MACROD2: variants seen among roughly 807,000 people sequenced by gnomAD.
MACROD2 encodes the protein ADP-ribose glycohydrolase MACROD2.
Under a neutral mutation model 70.4 loss-of-function variants are expected in MACROD2, and 36 were observed. That is an observed-to-expected ratio of 0.51 (90% CI 0.39 to 0.68). The LOEUF is 0.68. MACROD2 is among the 30% of genes least tolerant of loss of function. The pLI is 0.00. For synonymous variants in MACROD2, 172 were observed against 178.8 expected, an observed-to-expected ratio of 0.96 and a Z score of 0.30; for missense variants, 496 against 538.4, an observed-to-expected ratio of 0.92 and a Z score of 0.78.
chr20:14,132,455 T>C (rs940897555), intron 3 of MACROD2, among the ~76,000 whole-genome samples: 1 of 152,184 alleles, frequency 6.6e-6, no homozygotes, highest in Non-Finnish European at 1.5e-5. Flanking sequence ...GATCTTTGGA[T>C]TTCCTTAAGA....
At chr20:15,401,867 A>G (rs2045935381) in intron 6 of MACROD2, among the ~76,000 whole-genome samples, 1 of 152,222 alleles carries the variant, frequency 6.6e-6, no homozygotes, top group African/African-American at 2.4e-5. Context: ...AGTGATGGAT[A>G]GTTGAGATGC....
intron 4 of MACROD2, among the ~76,000 whole-genome samples, chr20:14,658,657 A>C (rs1986086777): frequency 6.6e-6 from 1 of 152,218 alleles, no homozygotes; most frequent in African/African-American, 2.4e-5. Context: ...TCTGTCACCC[A>C]GGCTGGAGTG....
chr20:15,040,554 G>A (rs1423297770), intron 5 of MACROD2, among the ~76,000 whole-genome samples: 1 of 118,206 alleles, frequency 8.5e-6, no homozygotes, highest in East Asian at 2.4e-4. Context: ...GGACAAAGGT[G>A]AGGAGTGTCT....
intron 3 of MACROD2, among the ~76,000 whole-genome samples, chr20:14,438,440 G>C (rs1042801925): frequency 1.3e-5 from 2 of 152,174 alleles, no homozygotes; most frequent in African/African-American, 4.8e-5. Flanking sequence ...CAGCAGGATT[G>C]CTGGATCTTA....
At chr20:15,038,246 ATT>A (rs2075329363) in intron 5 of MACROD2, among the ~76,000 whole-genome samples, 1 of 152,214 alleles carries the variant, frequency 6.6e-6, no homozygotes, top group Non-Finnish European at 1.5e-5. Flanking sequence ...TTCAAACTGC[ATT>A]TATATCTCTG....
chr20:15,129,440 CA>C (rs2123271364), intron 5 of MACROD2, among the ~76,000 whole-genome samples: 1 of 152,208 alleles, frequency 6.6e-6, no homozygotes, highest in Non-Finnish European at 1.5e-5. Flanking sequence ...ATTCCTTGCA[CA>C]GATTTACATG....
intron 5 of MACROD2, among the ~76,000 whole-genome samples, chr20:15,102,690 CAT>C (rs1448074090): frequency 3.6e-4 from 54 of 151,856 alleles, no homozygotes; most frequent in African/African-American, 1.1e-3. Context: ...TTCTGAGAAT[CAT>C]AGTCAAATAT....
chr20:16,023,634 T>C (rs549448701), intron 15 of MACROD2, among the ~76,000 whole-genome samples: 22 of 151,838 alleles, frequency 1.4e-4, no homozygotes, highest in Non-Finnish European at 2.5e-4. Context: ...AAGGCACCCA[T>C]TGAAGTATGA....
intron 5 of MACROD2, among the ~76,000 whole-genome samples, chr20:14,896,573 T>G (rs979652506): frequency 2.6e-5 from 4 of 152,022 alleles, no homozygotes; most frequent in Non-Finnish European, 4.4e-5. Flanking sequence ...AACTACTTAT[T>G]CTGATACCCT....
chr20:15,860,409 T>A (rs1040026191), intron 8 of MACROD2, among the ~76,000 whole-genome samples: 1 of 152,142 alleles, frequency 6.6e-6, no homozygotes, highest in Non-Finnish European at 1.5e-5. Flanking sequence ...TTTAGAAATA[T>A]TCTGATCACG....
chr20:14,862,013 ATATATT>A (rs1388041024), intron 5 of MACROD2, among the ~76,000 whole-genome samples: 1 of 25,906 alleles, frequency 3.9e-5, no homozygotes, highest in Non-Finnish European at 6.4e-5. Context: ...ATTTATATAT[ATATATT>A]TATATATATT....
intron 8 of MACROD2, among the ~76,000 whole-genome samples, chr20:15,835,355 G>A (rs1299657879): frequency 6.6e-6 from 1 of 151,676 alleles, no homozygotes; most frequent in African/African-American, 2.4e-5. Flanking sequence ...CCAATATTAT[G>A]GAGTCAAAAA....
At chr20:14,105,711 C>T (rs1418502595) in intron 3 of MACROD2, among the ~76,000 whole-genome samples, 1 of 152,174 alleles carries the variant, frequency 6.6e-6, no homozygotes, top group Non-Finnish European at 1.5e-5. Flanking sequence ...CAACCCCAGA[C>T]AGTGCAGTTT....
At chr20:14,289,868 A>G (rs1370924030) in intron 3 of MACROD2, among the ~76,000 whole-genome samples, 1 of 152,162 alleles carries the variant, frequency 6.6e-6, no homozygotes, top group African/African-American at 2.4e-5. Context: ...TATTTCAATG[A>G]TTACAGGGTT....
At chr20:15,571,579 C>T (rs528022555) in intron 8 of MACROD2, among the ~76,000 whole-genome samples, 1 of 152,038 alleles carries the variant, frequency 6.6e-6, no homozygotes, top group Non-Finnish European at 1.5e-5. Context: ...TTTAGATCCT[C>T]ATACTGGTGA....
At chr20:15,721,171 C>T (rs974225969) in intron 8 of MACROD2, among the ~76,000 whole-genome samples, 2 of 152,188 alleles carry the variant, frequency 1.3e-5, no homozygotes, top group African/African-American at 4.8e-5. Flanking sequence ...ATATCACTAT[C>T]CTTAAAAGCA....
chr20:15,394,596 G>A (rs911196525), intron 6 of MACROD2, among the ~76,000 whole-genome samples: 2 of 152,196 alleles, frequency 1.3e-5, no homozygotes, highest in Non-Finnish European at 2.9e-5. Context: ...CCATTTTCCA[G>A]TGTAAGTGGT....
intron 6 of MACROD2, among the ~76,000 whole-genome samples, chr20:15,292,353 T>C (rs776809265): frequency 4.6e-5 from 7 of 152,138 alleles, no homozygotes; most frequent in Non-Finnish European, 1.0e-4. Context: ...TAAATAAAGG[T>C]CCAGCATATG....
intron 5 of MACROD2, among the ~76,000 whole-genome samples, chr20:15,110,772 C>T (rs1020152416): frequency 2.6e-5 from 4 of 152,188 alleles, no homozygotes; most frequent in African/African-American, 9.6e-5. Context: ...CCCTCCTGTG[C>T]ACTTTCCAGC....
Sources: allele counts gnomAD v4.1 joint callset (sites outside exome capture counted in the v4.1 genomes callset), GRCh38; gene constraint gnomAD v4.1.1; transcripts MANE v1.5; gene names NCBI Gene and HGNC (gene_info 2026-07-23, HGNC 2026-07-21).